Variants in GRM8 observed in about 807,000 individuals in gnomAD.
GRM8 encodes the protein glutamate metabotropic receptor 8.
Under a neutral mutation model 87.2 loss-of-function variants are expected in GRM8, and 47 were observed. That is an observed-to-expected ratio of 0.54 (90% confidence interval 0.43 to 0.69). The LOEUF (loss-of-function observed/expected upper bound fraction) is 0.69, where lower values mean the gene tolerates loss of function less well. Among genes scored for constraint, GRM8 ranks in the 30% least tolerant of loss-of-function variants. The pLI is 0.00. For missense variants in GRM8, 1,019 were observed against 1,139.2 expected (o/e 0.89, Z 1.52); for synonymous variants, 396 against 404.5 (o/e 0.98, Z 0.25).
intron 2 of GRM8, among the ~76,000 whole-genome samples, chr7:127,117,903 A>ATTCGAT (rs1163730542): frequency 1.3e-5 from 2 of 152,240 alleles, no homozygotes; most frequent in African/African-American, 2.4e-5. Flanking sequence ...GCTGGCAAAT[A>ATTCGAT]TTCGATTTAG....
intron 3 of GRM8, among the ~76,000 whole-genome samples, chr7:127,052,918 G>C (rs1819634378): frequency 6.6e-6 from 1 of 152,078 alleles, no homozygotes; most frequent in Non-Finnish European, 1.5e-5. Context: ...TAATATTGAT[G>C]AACTATGCCT....
chr7:126,746,375 T>C (rs1815682200), intron 7 of GRM8, among the ~76,000 whole-genome samples: 1 of 151,704 alleles, frequency 6.6e-6, no homozygotes, highest in Non-Finnish European at 1.5e-5. Flanking sequence ...AACCAGGAAA[T>C]TCATCCATGG....
chr7:126,588,131 T>C (rs897886799), intron 8 of GRM8, among the ~76,000 whole-genome samples: 1 of 152,156 alleles, frequency 6.6e-6, no homozygotes, highest in African/African-American at 2.4e-5. Context: ...AAAAAACATA[T>C]GTACCCATGG....
At chr7:126,972,857 G>A (rs1810569685) in intron 3 of GRM8, among the ~76,000 whole-genome samples, 1 of 152,150 alleles carries the variant, frequency 6.6e-6, no homozygotes, top group Non-Finnish European at 1.5e-5. Context: ...AAAACCATTA[G>A]AGCCTAGTAT....
intron 7 of GRM8, among the ~76,000 whole-genome samples, chr7:126,692,724 A>AT (rs1808959989): frequency 2.0e-5 from 3 of 152,142 alleles, no homozygotes; most frequent in African/African-American, 7.2e-5. Flanking sequence ...AAACACTGCA[A>AT]TTTTTTCTCT....
At chr7:126,800,123 TA>T (rs1554495783) in intron 6 of GRM8, among the ~76,000 whole-genome samples, 1 of 152,142 alleles carries the variant, frequency 6.6e-6, no homozygotes, top group Non-Finnish European at 1.5e-5. Flanking sequence ...AAGTTTTTTT[TA>T]AAATGACAAT....
chr7:127,046,392 A>G (rs188738777), intron 3 of GRM8, among the ~76,000 whole-genome samples: 1 of 152,158 alleles, frequency 6.6e-6, no homozygotes, highest in African/African-American at 2.4e-5. Flanking sequence ...AAAAATAAAA[A>G]AAAAAGAAAA....
chr7:126,604,465 T>A (rs759432386), intron 8 of GRM8, among the ~76,000 whole-genome samples: 1 of 152,140 alleles, frequency 6.6e-6, no homozygotes, highest in Non-Finnish European at 1.5e-5. Flanking sequence ...TCCTCTATAG[T>A]AGGCTGGTTG....
intron 3 of GRM8, among the ~76,000 whole-genome samples, chr7:126,946,178 C>A (rs1807515047): frequency 6.6e-6 from 1 of 152,200 alleles, no homozygotes; most frequent in Non-Finnish European, 1.5e-5. Context: ...TGATCTCCCT[C>A]TTGCAGTTAG....
In GRM8 at chr7:127,041,231, A is replaced by G. The variant is rs929137880; in HGVS notation, c.727+65265T>C. On this transcript the variant is annotated intron_variant, in intron 3 of 10. Transcript: ENST00000339582. ...GAACAAAATGGGGCATAGACAGTGG[A>G]CTGGGATCAGCAGGTTTCAGGGCAG... Among the ~76,000 whole-genome samples the G allele has an allele frequency of 2.6e-5, 4 of 152,328 alleles. No individual in the cohort carries two copies. In the East Asian group the frequency reaches 7.7e-4, roughly 29 times the overall value.
At chr7:126,960,946 A>G (rs1809252641) in intron 3 of GRM8, among the ~76,000 whole-genome samples, 1 of 152,194 alleles carries the variant, frequency 6.6e-6, no homozygotes, top group Non-Finnish European at 1.5e-5. Context: ...CCTCTCCTTT[A>G]TCATTATGGA....
intron 7 of GRM8, among the ~76,000 whole-genome samples, chr7:126,684,270 T>A (rs1223580339): frequency 6.6e-6 from 1 of 152,174 alleles, no homozygotes; most frequent in Non-Finnish European, 1.5e-5. Flanking sequence ...GATGCTAGAA[T>A]CCTCTTGGGT....
At chr7:126,874,343 C>T (rs1207210216) in intron 6 of GRM8, among the ~76,000 whole-genome samples, 1 of 152,020 alleles carries the variant, frequency 6.6e-6, no homozygotes, top group African/African-American at 2.4e-5. Context: ...TTTCAGTCAT[C>T]AAATATGGAA....
At chr7:126,769,809 G>A in intron 7 of GRM8, 56 bp downstream of exon 7, 1 of 1,187,950 alleles carries the variant, frequency 8.4e-7, no homozygotes, top group Non-Finnish European at 1.3e-6. Context: ...TATATAGGAG[G>A]AAAAACACAC....
In GRM8 at chr7:126,656,667, C is replaced by CACAAATAA. The variant is rs556009720; in HGVS notation, c.1358-47170_1358-47169insTTATTTGT. Among the ~76,000 whole-genome samples, 215 of 151,628 alleles carry CACAAATAA rather than the reference C, an allele frequency of 1.4e-3. 1 individual carries two copies. The highest frequency in any genetic ancestry group is 5.0e-3 in the African/African-American group (205 of 41,322). On this transcript the variant is annotated intron_variant, in intron 7 of 10. Transcript: ENST00000339582. ...TAGATGACAAAGCAAGACTCTGTCT[C>CACAAATAA]AAAAATAAAAAAATAAAAAAACAAA...
rs907915617 is a variant in GRM8 at position 126,915,197 on chromosome 7, C to T, written c.728-10514G>A. 8.5e-5 allele frequency among the ~76,000 whole-genome samples: 13 copies of T among 152,286 alleles called. No homozygotes were observed. In the East Asian group the frequency reaches 2.3e-3, roughly 27 times the overall value. On this transcript the variant is annotated intron_variant, in intron 3 of 10. Coordinates refer to ENST00000339582, the MANE Select transcript of GRM8 (RefSeq NM_000845.3). ...CAGACTTCCTAGGTCCAAATCCTGG[C>T]CCTTCTCTTCTTAGCTATGTGAGAC...
chr7:127,059,789 T>C (rs1471041617), intron 3 of GRM8, among the ~76,000 whole-genome samples: 5 of 152,206 alleles, frequency 3.3e-5, no homozygotes, highest in Non-Finnish European at 5.9e-5. Context: ...AGACCAAATA[T>C]GTTCCTTCTC....
chr7:126,653,684 TA>T lies in GRM8; in HGVS notation c.1358-44187del, dbSNP rs1804189611. On this transcript the variant is annotated intron_variant, in intron 7 of 10. Transcript: ENST00000339582. Reference sequence around the variant, plus strand: ...AACTTCAAAAATCACAAAGCTCAAATAAAAATAATAGTCCAGGGCAATTAAT... The same window carrying T: ...AACTTCAAAAATCACAAAGCTCAAATAAAATAATAGTCCAGGGCAATTAAT... Among the ~76,000 whole-genome samples the T allele has an allele frequency of 1.3e-5, 2 of 152,106 alleles. 1 individual carries two copies. Among genetic ancestry groups the T allele is most frequent in the South Asian group, 4.1e-4 (2 of 4,820 alleles).
chr7:126,884,207 T>C (rs560754069), intron 6 of GRM8, among the ~76,000 whole-genome samples: 6 of 152,208 alleles, frequency 3.9e-5, no homozygotes, highest in African/African-American at 1.4e-4. Context: ...AACTGAGCTA[T>C]AGGAACATCT....
Sources: allele counts gnomAD v4.1 joint callset (sites outside exome capture counted in the v4.1 genomes callset), GRCh38; gene constraint gnomAD v4.1.1; transcripts MANE v1.5; gene names NCBI Gene and HGNC (gene_info 2026-07-23, HGNC 2026-07-21).